FRMD4B: variants seen among roughly 807,000 people sequenced by gnomAD.
FRMD4B encodes FERM domain-containing protein 4B.
Under a neutral mutation model 141.5 loss-of-function variants are expected in FRMD4B, and 74 were observed. The ratio of observed to expected loss-of-function variants is 0.52; its 90% CI spans 0.43 to 0.63. The LOEUF (loss-of-function observed/expected upper bound fraction) is 0.63. Ranked by LOEUF, FRMD4B falls within the 30% of genes least tolerant of loss-of-function variation. FRMD4B has a pLI of 0.00. For missense variants in FRMD4B, 1,366 were observed against 1,253.4 expected (o/e 1.09, Z -1.36); for synonymous variants, 506 against 467.9 (o/e 1.08, Z -1.05).
At chr3:69,267,174 C>T (rs998391222) in intron 5 of FRMD4B, among the ~76,000 whole-genome samples, 3 of 152,140 alleles carry the variant, frequency 2.0e-5, no homozygotes, top group Non-Finnish European at 4.4e-5. Context: ...TCCAACATGA[C>T]ATGTGTTTGG....
chr3:69,248,451 G>A (rs1395191771), intron 7 of FRMD4B, among the ~76,000 whole-genome samples: 1 of 152,176 alleles, frequency 6.6e-6, no homozygotes, highest in African/African-American at 2.4e-5. Context: ...GCATTATTTT[G>A]TTAGTCCGTT....
chr3:69,430,468 T>G (rs571723514), intron 2 of FRMD4B, among the ~76,000 whole-genome samples: 1 of 152,304 alleles, frequency 6.6e-6, no homozygotes, highest in East Asian at 1.9e-4. Flanking sequence ...CTAGCACTGT[T>G]GTAAAGATGT....
chr3:69,532,024 A>G (rs1174696341), intron 1 of FRMD4B, among the ~76,000 whole-genome samples: 1 of 152,214 alleles, frequency 6.6e-6, no homozygotes, highest in Non-Finnish European at 1.5e-5. Context: ...GTTGGAGCAA[A>G]TGACCATGAT....
intron 17 of FRMD4B, among the ~76,000 whole-genome samples, chr3:69,190,573 C>T (rs981827807): frequency 2.6e-5 from 4 of 152,096 alleles, no homozygotes; most frequent in African/African-American, 9.7e-5. Context: ...CAGCACCACG[C>T]CTGGCTAACT....
intron 7 of FRMD4B, among the ~76,000 whole-genome samples, chr3:69,227,566 G>A (rs564094721): frequency 6.6e-6 from 1 of 151,978 alleles, no homozygotes; most frequent in African/African-American, 2.4e-5. Context: ...GGAGGCTGAG[G>A]CAGGAGAATC....
chr3:69,198,987 TCGGCCGGGCG>T (rs2092937956), intron 11 of FRMD4B: 1 of 520,920 alleles, frequency 1.9e-6, no homozygotes, highest in African/African-American at 1.9e-5. Context: ...AAGATTCACC[TCGGCCGGGCG>T]CGGTGGCTCA....
chr3:69,253,659 A>G (rs2106805229), intron 5 of FRMD4B, among the ~76,000 whole-genome samples: 1 of 152,256 alleles, frequency 6.6e-6, no homozygotes, highest in Middle Eastern at 3.4e-3. Flanking sequence ...CTAATTATCT[A>G]TTTTAAGTAG....
rs759776956 is a variant in FRMD4B at position 69,189,903 on chromosome 3, A to G, written c.1764T>C (p.Tyr588=). The G allele has an allele frequency of 5.7e-6, 9 of 1,586,380 alleles. No homozygotes were observed. The highest frequency in any genetic ancestry group is 2.2e-5 in the East Asian group (1 of 44,674). The part of the protein sequence containing the change: ...ESSSLSDTTT[Y]DDPSDAFTFP... ...AAAGGAAGAGCCACTTACGATCATCATAGGTGGTGGTGTCAGACAAAGAGC... is the reference window on the plus strand; with the variant it reads ...AAAGGAAGAGCCACTTACGATCATCGTAGGTGGTGGTGTCAGACAAAGAGC... Residue 588 remains tyrosine (Y), a synonymous_variant, in exon 18 of 23, where the codon TAT becomes TAC. Transcript: ENST00000398540.
At chr3:69,347,964 G>A (rs1490386364) in intron 1 of FRMD4B, among the ~76,000 whole-genome samples, 1 of 152,012 alleles carries the variant, frequency 6.6e-6, no homozygotes, top group African/African-American at 2.4e-5. Context: ...CTAGCAGAAG[G>A]CAAGAAATAA....
At chr3:69,272,841 A>C (rs1275326572) in intron 5 of FRMD4B, among the ~76,000 whole-genome samples, 1 of 152,214 alleles carries the variant, frequency 6.6e-6, no homozygotes, top group Non-Finnish European at 1.5e-5. Flanking sequence ...AGGCATTATA[A>C]ATATGGATAG....
Position 69,171,858 on chromosome 3 carries a change from A to C in FRMD4B, c.*3T>G, listed in dbSNP as rs984611694. 1 of 1,610,944 alleles carries C rather than the reference A, an allele frequency of 6.2e-7. No homozygotes were observed. The highest frequency in any genetic ancestry group is 8.5e-7 in the Non-Finnish European group (1 of 1,177,828). On this transcript the variant is annotated 3_prime_UTR_variant, in exon 23 of 23. Transcript: ENST00000398540. ...GTGCTTGGTCAGGAGGTCCAACTGCAGTTCAGACTAATGTTCCAGGCTTTG... is the reference window on the plus strand; with the variant it reads ...GTGCTTGGTCAGGAGGTCCAACTGCCGTTCAGACTAATGTTCCAGGCTTTG...
At chr3:69,373,163 G>T (rs1407194462) in intron 1 of FRMD4B, among the ~76,000 whole-genome samples, 2 of 152,188 alleles carry the variant, frequency 1.3e-5, no homozygotes, top group Non-Finnish European at 2.9e-5. Context: ...TTCTTCTTTT[G>T]AAGTGGAAAG....
chr3:69,542,365 T>G (rs937522244), exon 1 of FRMD4B: 1 of 153,790 alleles, frequency 6.5e-6, no homozygotes, highest in Non-Finnish European at 1.4e-5. Context: ...TTCCTCTTCT[T>G]CCTCTTCCTC....
intron 1 of FRMD4B, among the ~76,000 whole-genome samples, chr3:69,343,880 C>A (rs954306610): frequency 2.6e-5 from 4 of 151,932 alleles, no homozygotes; most frequent in African/African-American, 9.7e-5. Flanking sequence ...ACACCCGGCC[C>A]GTCTTAACAG....
intron 22 of FRMD4B, among the ~76,000 whole-genome samples, chr3:69,172,722 C>T (rs1337868903): frequency 2.0e-5 from 3 of 152,124 alleles, no homozygotes; most frequent in Admixed American, 2.0e-4. Flanking sequence ...AAATCATACG[C>T]ATATTTAGAT....
intron 1 of FRMD4B, among the ~76,000 whole-genome samples, chr3:69,517,635 G>T (rs1356692318): frequency 6.6e-6 from 1 of 152,008 alleles, no homozygotes; most frequent in Non-Finnish European, 1.5e-5. Flanking sequence ...TACCCTCCAG[G>T]GACATGCTGT....
intron 4 of FRMD4B, 118 bp downstream of exon 4, chr3:69,302,225 C>T (rs1575708108): frequency 3.0e-6 from 2 of 669,678 alleles, no homozygotes; most frequent in Middle Eastern, 2.5e-4. Context: ...TAGGTCTCTT[C>T]TCTTTTTATT....
intron 1 of FRMD4B, among the ~76,000 whole-genome samples, chr3:69,356,149 A>T (rs1703314917): frequency 6.6e-6 from 1 of 152,166 alleles, no homozygotes; most frequent in Admixed American, 6.5e-5. Context: ...GTGATTCAAG[A>T]CTGACCAATA....
chr3:69,484,053 T>C (rs1169251035), intron 1 of FRMD4B, among the ~76,000 whole-genome samples: 3 of 152,226 alleles, frequency 2.0e-5, no homozygotes, highest in Non-Finnish European at 4.4e-5. Flanking sequence ...CTTCTTTATT[T>C]GAATTTCTCT....
Sources: gnomAD v4.1 joint callset for allele counts (sites outside exome capture counted in the v4.1 genomes callset) on GRCh38, gnomAD v4.1.1 for gene constraint, MANE v1.5 for transcripts, NCBI Gene and HGNC (gene_info 2026-07-23, HGNC 2026-07-21) for gene names.